METTL16: variants seen among roughly 807,000 people sequenced by gnomAD.
The protein encoded by METTL16 is methyltransferase 16, RNA N6-adenosine.
A neutral mutation model predicts 57.9 loss-of-function variants in METTL16; 19 were observed. The ratio of observed to expected loss-of-function variants is 0.33; its 90% CI spans 0.23 to 0.48. The LOEUF (loss-of-function observed/expected upper bound fraction) is 0.48. METTL16 is among the 20% of genes least tolerant of loss of function. METTL16 has a pLI of 0.99. For missense variants in METTL16, 434 were observed against 691.5 expected (o/e 0.63, Z 4.18); for synonymous variants, 246 against 255.6 (o/e 0.96, Z 0.36).
Position 2,438,631 on chromosome 17 carries a change from G to A in METTL16, c.799-433C>T, listed in dbSNP as rs545435283. On this transcript the variant is annotated intron_variant, in intron 7 of 9. Coordinates refer to ENST00000263092, the MANE Select transcript of METTL16 (RefSeq NM_024086.4). ...ATTCTCCTGCCTCAGCCTCCCGAGT[G>A]GCTGGGATTACAGGCGCATGCCACC... Among the ~76,000 whole-genome samples, 17 of 152,034 alleles carry A rather than the reference G, an allele frequency of 1.1e-4. No homozygotes were observed. In the East Asian group the frequency reaches 3.3e-3, roughly 29 times the overall value.
Position 2,420,583 on chromosome 17 carries a change from C to T in METTL16, c.1076G>A (p.Arg359Gln). 6.2e-7 allele frequency: 1 copy of T among 1,610,428 alleles called. No individual in the cohort carries two copies. The highest frequency in any genetic ancestry group is 8.5e-7 in the Non-Finnish European group (1 of 1,179,322). Reference sequence around the variant, plus strand: ...GACTTCCTCTTTTCCACAGGGAACTCGTTTATGCTGGACCTGTTTGGAGGA... The same window carrying T: ...GACTTCCTCTTTTCCACAGGGAACTTGTTTATGCTGGACCTGTTTGGAGGA... Reference protein sequence around the residue: ...ILTDLKVQHKRVPCGKEEVSL... With the variant: ...ILTDLKVQHKQVPCGKEEVSL... Residue 359 changes from arginine to glutamine, a missense_variant, in exon 10 of 10, where the codon CGA becomes CAA. Coordinates refer to ENST00000263092, the MANE Select transcript of METTL16 (RefSeq NM_024086.4). This position sits in a 1 kb window ranked among gnomAD's most constrained non-coding sequence, Gnocchi z 5.4.
chr17:2,433,654 C>G (rs2066890287), intron 8 of METTL16, among the ~76,000 whole-genome samples: 1 of 152,160 alleles, frequency 6.6e-6, no homozygotes, highest in African/African-American at 2.4e-5. Context: ...CGATTGCTGT[C>G]AGGTGGAAAT....
intron 6 of METTL16, among the ~76,000 whole-genome samples, chr17:2,463,417 C>T (rs1442684368): frequency 2.6e-5 from 4 of 152,136 alleles, no homozygotes; most frequent in Non-Finnish European, 4.4e-5. Context: ...GAAACACAGT[C>T]TTCGCAGATT....
intron 8 of METTL16, among the ~76,000 whole-genome samples, chr17:2,430,345 A>C (rs1458124949): frequency 6.6e-6 from 1 of 151,386 alleles, no homozygotes; most frequent in Non-Finnish European, 1.5e-5. Context: ...TTTAAAGTTG[A>C]ATTATGAACT....
intron 8 of METTL16, among the ~76,000 whole-genome samples, chr17:2,425,174 T>C (rs753126757): frequency 6.6e-6 from 1 of 152,210 alleles, no homozygotes; most frequent in Non-Finnish European, 1.5e-5. Context: ...AATTTTTACA[T>C]TTTGCTGCAA....
At chr17:2,477,526 T>C (rs2067276711) in intron 3 of METTL16, 160 bp downstream of exon 3, 2 of 622,360 alleles carry the variant, frequency 3.2e-6, no homozygotes, top group Non-Finnish European at 2.8e-6. Flanking sequence ...GTTGCAGATT[T>C]TGAAGCATTT....
At chr17:2,467,306 A>G (rs1000421381) in intron 5 of METTL16, among the ~76,000 whole-genome samples, 4 of 152,178 alleles carry the variant, frequency 2.6e-5, no homozygotes, top group African/African-American at 9.6e-5. Context: ...TTGAGTCCGG[A>G]TGTTCAAGAC....
At chr17:2,439,569 T>G (rs1219996773) in intron 7 of METTL16, among the ~76,000 whole-genome samples, 1 of 152,080 alleles carries the variant, frequency 6.6e-6, no homozygotes, top group Non-Finnish European at 1.5e-5. Context: ...CTTAAACCTA[T>G]GTAGCTTGAG....
At chr17:2,444,102 G>C (rs2066974898) in intron 6 of METTL16, among the ~76,000 whole-genome samples, 1 of 152,124 alleles carries the variant, frequency 6.6e-6, no homozygotes. Context: ...AATACATACA[G>C]CCATGAGTCA....
intron 2 of METTL16, among the ~76,000 whole-genome samples, chr17:2,480,642 C>T (rs2067299147): frequency 6.6e-6 from 1 of 152,164 alleles, no homozygotes; most frequent in African/African-American, 2.4e-5. Flanking sequence ...TATTAGAAAA[C>T]AGGACATGCT....
At chr17:2,469,621 T>G (rs1326859508) in intron 4 of METTL16, among the ~76,000 whole-genome samples, 1 of 152,038 alleles carries the variant, frequency 6.6e-6, no homozygotes, top group Non-Finnish European at 1.5e-5. Flanking sequence ...GCCTCCTGGG[T>G]TCAAGCGATT....
intron 8 of METTL16, among the ~76,000 whole-genome samples, chr17:2,427,564 G>C (rs2066828679): frequency 6.6e-6 from 1 of 152,172 alleles, no homozygotes; most frequent in Non-Finnish European, 1.5e-5. Context: ...GTGAGATAAA[G>C]TTAATGAGTA....
At chr17:2,479,461 G>A (rs1172611517) in intron 2 of METTL16, among the ~76,000 whole-genome samples, 1 of 151,158 alleles carries the variant, frequency 6.6e-6, no homozygotes, top group Non-Finnish European at 1.5e-5. Flanking sequence ...GTGAACCACT[G>A]CACCTGGCCA....
At chr17:2,448,800 TTTAAAAAAAAAAAAAAAA>T (rs2067043076) in intron 6 of METTL16, among the ~76,000 whole-genome samples, 2 of 64,308 alleles carry the variant, frequency 3.1e-5, no homozygotes, top group African/African-American at 1.6e-4. Context: ...AAAAATAAAA[TTTAAAAAAAAAAAAAAAA>T]AAAAAAAAGA....
chr17:2,474,190 A>C (rs370251877), intron 3 of METTL16, among the ~76,000 whole-genome samples: 2 of 152,174 alleles, frequency 1.3e-5, no homozygotes. Flanking sequence ...CTTCATTTTA[A>C]ATCTCATACA....
intron 6 of METTL16, among the ~76,000 whole-genome samples, chr17:2,457,953 C>A (rs1399006447): frequency 6.6e-6 from 1 of 152,062 alleles, no homozygotes; most frequent in Non-Finnish European, 1.5e-5. Context: ...AAACACAGCT[C>A]ATGGCAGCCT....
intron 7 of METTL16, among the ~76,000 whole-genome samples, chr17:2,438,762 G>A (rs1180734635): frequency 2.0e-5 from 3 of 152,180 alleles, no homozygotes; most frequent in African/African-American, 7.2e-5. Context: ...CCAAAGTGCT[G>A]AGATTACAGG....
chr17:2,468,372 C>T (rs1459767652), intron 4 of METTL16, among the ~76,000 whole-genome samples: 1 of 152,166 alleles, frequency 6.6e-6, no homozygotes, highest in Non-Finnish European at 1.5e-5. Flanking sequence ...ATCCACATGG[C>T]TATGAACTAG....
Position 2,502,323 on chromosome 17 carries a change from C to T in METTL16, c.9G>A (p.Leu3=), listed in dbSNP as rs2067494915. MA[L]SKSMHARNRY... is the part of the protein sequence containing the mutation. ...TATTTCTTGCATGCATTGATTTACT[C>T]AGAGCCATCTTAAGGAGAGAAAGAG... Residue 3 remains leucine, a synonymous_variant, in exon 2 of 10, where the codon CTG becomes CTA. Coordinates refer to ENST00000263092, the MANE Select transcript of METTL16 (RefSeq NM_024086.4). 4 of 1,613,158 alleles carry T rather than the reference C, an allele frequency of 2.5e-6. No homozygotes were observed. In the African/African-American group the frequency reaches 5.3e-5, roughly 22 times the overall value.
Sources: gnomAD v4.1 joint callset for allele counts (sites outside exome capture counted in the v4.1 genomes callset) on GRCh38, gnomAD v4.1.1 for gene constraint, Gnocchi (gnomAD v3.1) non-coding constraint, MANE v1.5 for transcripts, NCBI Gene and HGNC (gene_info 2026-07-23, HGNC 2026-07-21) for gene names.